The following COTL1 variants were observed in gnomAD, a reference collection of about 807,000 sequenced individuals.
The protein encoded by COTL1 is coactosin like F-actin binding protein 1.
Under a neutral mutation model 16.5 loss-of-function variants are expected in COTL1, and 15 were observed. The ratio of observed to expected loss-of-function variants is 0.91; its 90% CI spans 0.61 to 1.40. The LOEUF (loss-of-function observed/expected upper bound fraction) is 1.40. Among genes scored for constraint, COTL1 ranks in the 40% most tolerant of loss-of-function variants. The pLI, the probability that COTL1 is intolerant of heterozygous loss-of-function variation, is 0.00. For synonymous variants in COTL1, 112 were observed against 85.3 expected (o/e 1.31, Z -1.73); for missense variants, 220 against 201.5 (o/e 1.09, Z -0.56).
At chr16:84,599,904 T>A (rs1293548166) in intron 2 of COTL1, among the ~76,000 whole-genome samples, 5 of 152,304 alleles carry the variant, frequency 3.3e-5, no homozygotes, top group Non-Finnish European at 5.9e-5. Flanking sequence ...GCAGTCGCCA[T>A]GGCAGCGGCT....
At chr16:84,567,256 C>T (rs1201706957) in intron 3 of COTL1, 1 of 303,386 alleles carries the variant, frequency 3.3e-6, no homozygotes, top group African/African-American at 2.2e-5. Context: ...TGGGCTGTTA[C>T]CTTGGCCAAG....
At chr16:84,611,820 A>C (rs1348699751) in intron 2 of COTL1, among the ~76,000 whole-genome samples, 1 of 152,204 alleles carries the variant, frequency 6.6e-6, no homozygotes, top group Non-Finnish European at 1.5e-5. Flanking sequence ...CAGAAACAAA[A>C]TGTGATTTCA....
intron 2 of COTL1, among the ~76,000 whole-genome samples, chr16:84,603,252 C>T (rs550323684): frequency 8.5e-5 from 13 of 152,338 alleles, no homozygotes; most frequent in African/African-American, 3.1e-4. Context: ...GGACAGCTGA[C>T]TCACTTTACT....
rs116258030 is a variant in COTL1, at chr16:84,592,978, T to C, written c.161-2716A>G. ...CACCACTCACATTGGCACACCACTT[T>C]TCAGTTTACAAAACATGCTTCTATT... On this transcript the variant is annotated intron_variant, in intron 2 of 3. Coordinates refer to ENST00000262428, the MANE Select transcript of COTL1 (RefSeq NM_021149.5). Among the ~76,000 whole-genome samples the C allele has an allele frequency of 6.9e-3, 1,052 of 152,348 alleles. 9 individuals are homozygous for C. Among genetic ancestry groups the C allele is most frequent in the African/African-American group, 0.024 (990 of 41,578 alleles).
chr16:84,566,798 G>A lies in COTL1; in HGVS notation c.*47C>T. The A allele has an allele frequency of 2.2e-6, 3 of 1,344,476 alleles. No individual in the cohort carries two copies. Among genetic ancestry groups the A allele is most frequent in the South Asian group, 2.4e-5 (2 of 84,802 alleles). 83.3% of individuals were successfully genotyped at this position (1,344,476 alleles called of 1,614,324 possible). A position where few individuals can be genotyped will look rare whatever the true frequency, so the allele number is the denominator to read the frequency against. ...GAGGCCGGCGGTCCTCTCCCCCGGG[G>A]AGCAGGCAGATGACTTTGGCAAGGG... On this transcript the variant is annotated 3_prime_UTR_variant, in exon 4 of 4. Coordinates refer to ENST00000262428, the MANE Select transcript of COTL1 (RefSeq NM_021149.5).
chr16:84,573,948 G>C (rs1904393275), intron 3 of COTL1, among the ~76,000 whole-genome samples: 1 of 152,104 alleles, frequency 6.6e-6, no homozygotes, highest in Non-Finnish European at 1.5e-5. Context: ...TTGAACCCCG[G>C]AGTTCCAAGA....
At position 84,590,407 on chromosome 16, in the gene COTL1, G is replaced by A. The variant is rs1006119021; in HGVS notation, c.161-145C>T. 2 of 841,854 alleles carry A rather than the reference G, an allele frequency of 2.4e-6. No individual in the cohort carries two copies. The highest frequency in any genetic ancestry group is 3.6e-6 in the Non-Finnish European group (2 of 556,462). 52.1% of individuals were successfully genotyped at this position (841,854 alleles called of 1,614,324 possible). A position where few individuals can be genotyped will look rare whatever the true frequency, so the allele number is the denominator to read the frequency against. On this transcript the variant is annotated intron_variant, in intron 2 of 3. Transcript: ENST00000262428. The surrounding 1 kb of genome is among the most constrained non-coding windows in gnomAD (Gnocchi z 5.5). ...GTTCCCTGGGAGCACCATGTGCAGAGGACAGGAGGGAAGCACTCATCCGCT... is the reference window on the plus strand; with the variant it reads ...GTTCCCTGGGAGCACCATGTGCAGAAGACAGGAGGGAAGCACTCATCCGCT...
intron 3 of COTL1, among the ~76,000 whole-genome samples, chr16:84,573,768 T>TACACACACACACAC (rs3086225): frequency 1.4e-5 from 2 of 146,140 alleles, no homozygotes; most frequent in Non-Finnish European, 3.0e-5. Flanking sequence ...TATATATACA[T>TACACACACACACAC]ACACACACAC....
chr16:84,594,047 C>T (rs1356977421), intron 2 of COTL1, among the ~76,000 whole-genome samples: 1 of 152,176 alleles, frequency 6.6e-6, no homozygotes, highest in African/African-American at 2.4e-5. Context: ...TGCGGTCTGG[C>T]TTTCACTCAG....
chr16:84,617,382 T>C, intron 2 of COTL1, 119 bp downstream of exon 2: 1 of 878,150 alleles, frequency 1.1e-6, no homozygotes, highest in Non-Finnish European at 1.8e-6. Context: ...TCCCACGCCA[T>C]GCGCCAGGGG....
intron 2 of COTL1, among the ~76,000 whole-genome samples, chr16:84,606,247 C>A (rs976959818): frequency 3.9e-5 from 6 of 152,210 alleles, no homozygotes; most frequent in Non-Finnish European, 7.3e-5. Flanking sequence ...GAGTAAGAGG[C>A]CTGGGGCCAG....
chr16:84,587,694 C>T (rs981374192), intron 3 of COTL1, among the ~76,000 whole-genome samples: 5 of 152,026 alleles, frequency 3.3e-5, no homozygotes, highest in Non-Finnish European at 5.9e-5. Context: ...GAGGCGAGCC[C>T]GTCCAGAGAG....
chr16:84,600,908 G>A (rs1317705880), intron 2 of COTL1, among the ~76,000 whole-genome samples: 1 of 152,112 alleles, frequency 6.6e-6, no homozygotes, highest in African/African-American at 2.4e-5. Context: ...AGAGCTAAAG[G>A]TTTTCCCCCT....
chr16:84,606,169 G>A (rs892419422), intron 2 of COTL1, among the ~76,000 whole-genome samples: 3 of 152,250 alleles, frequency 2.0e-5, no homozygotes, highest in Non-Finnish European at 4.4e-5. Flanking sequence ...TGAGGCCACT[G>A]AGCTGAATCA....
At chr16:84,613,296 G>A (rs557434555) in intron 2 of COTL1, among the ~76,000 whole-genome samples, 2 of 152,098 alleles carry the variant, frequency 1.3e-5, no homozygotes, top group Non-Finnish European at 2.9e-5. Flanking sequence ...CACGGCGCCC[G>A]GACTAGAGTG....
intron 2 of COTL1, among the ~76,000 whole-genome samples, chr16:84,591,652 A>C (rs1317644953): frequency 2.8e-5 from 4 of 142,390 alleles, no homozygotes; most frequent in Non-Finnish European, 4.6e-5. Flanking sequence ...AAAAAAAAAA[A>C]AAAAAAAAAA....
intron 2 of COTL1, among the ~76,000 whole-genome samples, chr16:84,610,494 C>T (rs1029045886): frequency 6.6e-6 from 1 of 152,128 alleles, no homozygotes; most frequent in Non-Finnish European, 1.5e-5. Flanking sequence ...TTGTTTTAAT[C>T]CCAGAGAAAG....
rs1038604043 is a variant in COTL1, at chr16:84,567,198, G to A, written c.319-243C>T. 7 of 423,198 alleles carry A rather than the reference G, an allele frequency of 1.7e-5. 1 individual carries two copies. Among genetic ancestry groups the A allele is most frequent in the South Asian group, 8.1e-5 (3 of 36,982 alleles). 26.2% of individuals were successfully genotyped at this position (423,198 alleles called of 1,614,324 possible). Reference sequence around the variant, plus strand: ...GGGAGTGGGGCAGATCTGATGCTGCGTCTTCCCATGTCCGTGGGGATGGCC... The same window carrying A: ...GGGAGTGGGGCAGATCTGATGCTGCATCTTCCCATGTCCGTGGGGATGGCC... On this transcript the variant is annotated intron_variant, in intron 3 of 3. Coordinates refer to ENST00000262428, the MANE Select transcript of COTL1 (RefSeq NM_021149.5).
chr16:84,617,505 G>C lies in COTL1; in HGVS notation c.156C>G (p.Cys52Trp). The C allele has an allele frequency of 6.4e-7, 1 of 1,552,766 alleles. No homozygotes were observed. The highest frequency in any genetic ancestry group is 8.7e-7 in the Non-Finnish European group (1 of 1,147,886). Residue 52 changes from cysteine to tryptophan, a missense_variant, in exon 2 of 4, where the codon TGC (cysteine) becomes TGG (tryptophan). By Grantham distance (215) the Cys-to-Trp change is radical. Transcript: ENST00000262428. ...CCGGCAGGCGCGCCTCCCTACCTGT[G>C]CACTGCTGGATGAAGTGCTGGTACT... is the stretch of plus-strand genomic sequence containing the variant. ...GAEYQHFIQQCTDDVRLFAFV... is the reference protein window; with the variant it reads ...GAEYQHFIQQWTDDVRLFAFV...
Sources: allele counts gnomAD v4.1 joint callset (sites outside exome capture counted in the v4.1 genomes callset), GRCh38; gene constraint gnomAD v4.1.1; non-coding constraint Gnocchi (gnomAD v3.1); transcripts MANE v1.5; gene names NCBI Gene and HGNC (gene_info 2026-07-23, HGNC 2026-07-21).